Variants in SYNE2 observed in about 807,000 individuals in gnomAD.
SYNE2 encodes the protein spectrin repeat containing nuclear envelope protein 2.
A neutral mutation model predicts 856.3 loss-of-function variants in SYNE2; 431 were observed. The observed-to-expected ratio is 0.50, with a 90% CI of 0.47 to 0.55. SYNE2 has a LOEUF of 0.55. Ranked by LOEUF, SYNE2 falls within the 20% of genes least tolerant of loss-of-function variation. The pLI, the probability that SYNE2 is intolerant of heterozygous loss-of-function variation, is 0.00. For synonymous variants in SYNE2, 2,923 were observed against 2,872.3 expected, an observed-to-expected ratio of 1.02 and a Z score of -0.56; for missense variants, 8,129 against 8,023.2, an observed-to-expected ratio of 1.01 and a Z score of -0.50.
chr14:63,957,117 C>CTT (rs534383053), intron 8 of SYNE2, among the ~76,000 whole-genome samples: 20 of 143,822 alleles, frequency 1.4e-4, no homozygotes, highest in African/African-American at 4.1e-4. Context: ...TACTTCATTC[C>CTT]TTTTTTTTTT....
intron 45 of SYNE2, among the ~76,000 whole-genome samples, chr14:64,041,162 T>G (rs1271921801): frequency 6.6e-6 from 1 of 152,114 alleles, no homozygotes; most frequent in Non-Finnish European, 1.5e-5. Flanking sequence ...AGTTTATCTA[T>G]CTCAAACTTC....
rs377091000 is a variant in SYNE2, at chr14:64,165,291, C to A, written c.16486C>A (p.Leu5496Ile). Residue 5496 changes from leucine to isoleucine, a missense_variant, in exon 90 of 116, where the codon CTC becomes ATC. By Grantham distance (5) the Leu-to-Ile change is conservative. Around this residue, in one of 3 missense-constraint regions of SYNE2, gnomAD observed 5,410 missense variants for 5,284.8 expected, o/e 1.02. Transcript: ENST00000555002. The part of the protein sequence containing the change: ...LVKANEFEFV[L>I]SQFKDFGVRL... ...AAAATTTCTCTTGTTCTAGTTTGTT[C>A]TCTCACAGTTTAAGGATTTTGGAGT... 1.9e-6 allele frequency: 3 copies of A among 1,613,398 alleles called. No individual in the cohort carries two copies. The highest frequency in any genetic ancestry group is 2.5e-6 in the Non-Finnish European group (3 of 1,179,604).
intron 1 of SYNE2, among the ~76,000 whole-genome samples, chr14:63,862,893 G>T (rs1008082744): frequency 6.6e-6 from 1 of 152,058 alleles, no homozygotes; most frequent in Non-Finnish European, 1.5e-5. Context: ...TGCCTCCTGG[G>T]TTCAAGTGAT....
chr14:63,815,193 CAT>C (rs1328651347), intron 1 of SYNE2, among the ~76,000 whole-genome samples: 2 of 12,260 alleles, frequency 1.6e-4, no homozygotes, highest in Admixed American at 1.8e-3. Context: ...TATATATATC[CAT>C]ATATATATCC....
At chr14:64,078,114 A>G (rs2097484108) in intron 54 of SYNE2, among the ~76,000 whole-genome samples, 2 of 152,200 alleles carry the variant, frequency 1.3e-5, no homozygotes, top group Non-Finnish European at 2.9e-5. Flanking sequence ...TCCCCCAGGA[A>G]TTCATTTATA....
chr14:64,017,987 G>A (rs1045211283), intron 34 of SYNE2, among the ~76,000 whole-genome samples: 2 of 152,140 alleles, frequency 1.3e-5, no homozygotes, highest in African/African-American at 2.4e-5. Context: ...ATGGGGAAAC[G>A]TGCTAGTATT....
chr14:64,215,745 G>A, intron 107 of SYNE2: 1 of 394,768 alleles, frequency 2.5e-6, no homozygotes, highest in Non-Finnish European at 4.6e-6. Context: ...TGGGGGGTTG[G>A]GGCGGTAAAG....
At position 63,993,977 on chromosome 14, in the gene SYNE2, C is replaced by G. The variant is rs2073071171; in HGVS notation, c.2781+8C>G. 6.2e-7 allele frequency: 1 copy of G among 1,613,478 alleles called. No individual in the cohort carries two copies. The highest frequency in any genetic ancestry group is 8.5e-7 in the Non-Finnish European group (1 of 1,179,554). On this transcript the variant is annotated splice_region_variant and intron_variant, in intron 22 of 115. Coordinates refer to ENST00000555002, the MANE Select transcript of SYNE2 (RefSeq NM_182914.3). ...GTCTGTGCCAAATGGGAGGTAAGAA[C>G]ATGCATATGTTTCTGAACTTACGTT...
Position 63,976,696 on chromosome 14 carries a change from C to T in SYNE2, c.1262C>T (p.Thr421Ile). The change falls in exon 12 of 116, where the codon ACT (threonine) becomes ATT (isoleucine). Residue 421 changes from threonine to isoleucine, a missense_variant. Thr to Ile is a moderately conservative substitution (Grantham distance 89). Transcript: ENST00000555002. ...SASQDHSQAV[T>I]LIQEKMTLFK... ...TCCCAGGATCACTCTCAAGCCGTGA[C>T]TCTGATACAAGAGAAAATGACTTTA... The T allele has an allele frequency of 1.9e-6, 3 of 1,612,522 alleles. No homozygotes were observed. Among genetic ancestry groups the T allele is most frequent in the Non-Finnish European group, 2.5e-6 (3 of 1,179,728 alleles).
chr14:64,115,239 A>T (rs1244639521), intron 66 of SYNE2, among the ~76,000 whole-genome samples: 1 of 152,246 alleles, frequency 6.6e-6, no homozygotes, highest in African/African-American at 2.4e-5. Flanking sequence ...CATGACTACC[A>T]GGTGGCAGTT....
At chr14:63,889,256 GA>G (rs1475109171) in intron 1 of SYNE2, among the ~76,000 whole-genome samples, 1 of 151,334 alleles carries the variant, frequency 6.6e-6, no homozygotes, top group Non-Finnish European at 1.5e-5. Context: ...CCATTTTGTA[GA>G]AAATAAATTG....
chr14:63,996,510 C>A (rs922070378), intron 23 of SYNE2, among the ~76,000 whole-genome samples: 2 of 151,916 alleles, frequency 1.3e-5, no homozygotes. Flanking sequence ...TACTCCAGCC[C>A]CACTGGAGTT....
intron 55 of SYNE2, among the ~76,000 whole-genome samples, chr14:64,079,414 T>C (rs1674202288): frequency 6.6e-6 from 1 of 152,204 alleles, no homozygotes; most frequent in South Asian, 2.1e-4. Context: ...AGGAAATGTT[T>C]TAATAATTTG....
chr14:64,202,838 C>A lies in SYNE2; in HGVS notation c.18076C>A (p.Gln6026Lys), dbSNP rs1338319418. 6.2e-7 allele frequency: 1 copy of A among 1,614,100 alleles called. No individual in the cohort carries two copies. The highest frequency in any genetic ancestry group is 8.5e-7 in the Non-Finnish European group (1 of 1,180,006). Residue 6026 changes from glutamine (Q) to lysine (K), a missense_variant, in exon 100 of 116, where the codon CAG becomes AAG. By Grantham distance (53) the Gln-to-Lys change is moderately conservative (BLOSUM62 1). Around this residue, in one of 3 missense-constraint regions of SYNE2, gnomAD observed 5,410 missense variants for 5,284.8 expected, o/e 1.02. Transcript: ENST00000555002. ...GAAGGAGACCTTTGCTTTTATTCAGCAGTTGGACAAAAACATGAGCAACCT... is the reference window on the plus strand; with the variant it reads ...GAAGGAGACCTTTGCTTTTATTCAGAAGTTGGACAAAAACATGAGCAACCT... ...KLKETFAFIQ[Q>K]LDKNMSNLRT...
At chr14:63,864,067 C>T (rs921264731) in intron 1 of SYNE2, among the ~76,000 whole-genome samples, 3 of 152,184 alleles carry the variant, frequency 2.0e-5, no homozygotes, top group Non-Finnish European at 4.4e-5. Flanking sequence ...CCCGCCTCAG[C>T]CTCCCAAAGT....
intron 2 of SYNE2, among the ~76,000 whole-genome samples, chr14:63,919,270 G>A (rs1336624122): frequency 6.6e-6 from 1 of 152,176 alleles, no homozygotes; most frequent in Non-Finnish European, 1.5e-5. Flanking sequence ...GGTAAAGGCT[G>A]TGCAGAAGAT....
chr14:64,048,209 T>C (rs2097199785), intron 46 of SYNE2, 54 bp downstream of exon 46: 1 of 1,575,752 alleles, frequency 6.3e-7, no homozygotes, highest in Non-Finnish European at 8.7e-7. Flanking sequence ...TCCAGTGCAA[T>C]ACAATATATT....
chr14:63,842,191 G>A (rs911564133), intron 1 of SYNE2, among the ~76,000 whole-genome samples: 1 of 150,314 alleles, frequency 6.7e-6, no homozygotes, highest in Non-Finnish European at 1.5e-5. Context: ...TTGTCGTTTT[G>A]AGACAGAGTC....
At chr14:63,916,672 A>G (rs892602585) in intron 2 of SYNE2, among the ~76,000 whole-genome samples, 4 of 152,188 alleles carry the variant, frequency 2.6e-5, no homozygotes, top group East Asian at 1.9e-4. Flanking sequence ...AAGTGTGTCT[A>G]TGATGTTTAG....
Sources: gnomAD v4.1 joint callset for allele counts (sites outside exome capture counted in the v4.1 genomes callset) on GRCh38, gnomAD v4.1.1 for gene constraint, gnomAD v4.1.1 regional missense constraint, MANE v1.5 for transcripts, NCBI Gene and HGNC (gene_info 2026-07-23, HGNC 2026-07-21) for gene names.